BCL2L13: variants seen among roughly 807,000 people sequenced by gnomAD.
The protein encoded by BCL2L13 is BCL2 like 13.
Under a neutral mutation model 25.8 loss-of-function variants are expected in BCL2L13, and 13 were observed. The observed-to-expected ratio is 0.50, with a 90% CI of 0.33 to 0.80. The LOEUF (loss-of-function observed/expected upper bound fraction) is 0.80, where lower values mean the gene tolerates loss of function less well. Among genes scored for constraint, BCL2L13 ranks in the 30% least tolerant of loss-of-function variants. The pLI, the probability that BCL2L13 is intolerant of heterozygous loss-of-function variation, is 0.02. For synonymous variants in BCL2L13, 244 were observed against 230.3 expected (o/e 1.06, Z -0.54); for missense variants, 504 against 574.9 (o/e 0.88, Z 1.26).
At chr22:17,688,652 G>A (rs2060014506) in intron 3 of BCL2L13, among the ~76,000 whole-genome samples, 1 of 152,136 alleles carries the variant, frequency 6.6e-6, no homozygotes, top group Non-Finnish European at 1.5e-5. Flanking sequence ...TGCCAACAAA[G>A]ATTAATGTCC....
intron 6 of BCL2L13, among the ~76,000 whole-genome samples, chr22:17,721,627 C>G (rs1198471068): frequency 6.7e-6 from 1 of 149,616 alleles, no homozygotes; most frequent in East Asian, 2.0e-4. Flanking sequence ...TGGGTTCAAG[C>G]AATTCTCCTG....
chr22:17,684,892 C>G lies in BCL2L13; in HGVS notation c.229+1571C>G, dbSNP rs370782474. 2.6e-4 allele frequency among the ~76,000 whole-genome samples: 40 copies of G among 152,174 alleles called. 1 individual carries two copies. The East Asian group carries it at 4.8e-3, about 18-fold the overall frequency. ...GGACTACAGGCGCCTGCCACCACACCCGACTAATTTTTTGTATTTTTAGTA... is the reference window on the plus strand; with the variant it reads ...GGACTACAGGCGCCTGCCACCACACGCGACTAATTTTTTGTATTTTTAGTA... On this transcript the variant is annotated intron_variant, in intron 3 of 6. Coordinates refer to ENST00000317582, the MANE Select transcript of BCL2L13 (RefSeq NM_015367.4).
At chr22:17,668,035 C>T (rs2059291424) in intron 2 of BCL2L13, among the ~76,000 whole-genome samples, 1 of 122,548 alleles carries the variant, frequency 8.2e-6, no homozygotes, top group African/African-American at 3.2e-5. Context: ...TTTTTTGAGA[C>T]AGTCTCGCTC....
chr22:17,714,170 G>A lies in BCL2L13; in HGVS notation c.600+11784G>A, dbSNP rs532864397. On this transcript the variant is annotated intron_variant, in intron 6 of 6. Transcript: ENST00000317582. ...TAGCCGGGCGTGGTGGCGGGCACCTGTAGTCCCAGCTACTCGGGAGGCTGA... is the reference window on the plus strand; with the variant it reads ...TAGCCGGGCGTGGTGGCGGGCACCTATAGTCCCAGCTACTCGGGAGGCTGA... Among the ~76,000 whole-genome samples the A allele has an allele frequency of 4.9e-4, 75 of 152,188 alleles. 1 individual carries two copies. In the South Asian group the frequency reaches 9.1e-3, roughly 19 times the overall value.
chr22:17,664,324 C>T (rs751929837), intron 2 of BCL2L13, among the ~76,000 whole-genome samples: 10 of 152,220 alleles, frequency 6.6e-5, no homozygotes, highest in Non-Finnish European at 1.3e-4. Flanking sequence ...CCTTTGACTC[C>T]ATGTCTCACA....
intron 2 of BCL2L13, among the ~76,000 whole-genome samples, chr22:17,675,497 T>C (rs1281620223): frequency 6.6e-6 from 1 of 152,214 alleles, no homozygotes; most frequent in East Asian, 1.9e-4. Context: ...GGGCTAACTT[T>C]TTTCAGCCTG....
At chr22:17,675,690 C>T (rs2059556730) in intron 2 of BCL2L13, among the ~76,000 whole-genome samples, 1 of 152,134 alleles carries the variant, frequency 6.6e-6, no homozygotes, top group African/African-American at 2.4e-5. Flanking sequence ...AAGGCAAGTC[C>T]ATTAGAGGCA....
chr22:17,704,987 CA>C (rs138284178), intron 6 of BCL2L13, among the ~76,000 whole-genome samples: 21,257 of 113,876 alleles, frequency 0.19, 1,956 homozygotes, highest in African/African-American at 0.32. Context: ...GAAAGATAGG[CA>C]AAAAAAAAAA....
intron 2 of BCL2L13, among the ~76,000 whole-genome samples, chr22:17,657,982 CG>C (rs981869161): frequency 6.6e-6 from 1 of 151,228 alleles, no homozygotes; most frequent in African/African-American, 2.4e-5. Flanking sequence ...GCCACCAGCC[CG>C]GCTAATTTTT....
chr22:17,710,419 T>TA (rs934103502), intron 6 of BCL2L13, among the ~76,000 whole-genome samples: 11 of 144,316 alleles, frequency 7.6e-5, no homozygotes, highest in African/African-American at 1.3e-4. Context: ...TACTAAAAAT[T>TA]AAAAAAAAAA....
chr22:17,643,364 A>G (rs1342642118), intron 1 of BCL2L13, among the ~76,000 whole-genome samples: 1 of 152,008 alleles, frequency 6.6e-6, no homozygotes, highest in Non-Finnish European at 1.5e-5. Flanking sequence ...TTAGCCTCCC[A>G]AAGTGCTGGG....
chr22:17,635,590 A>T (rs1159399013), upstream of BCL2L13, among the ~76,000 whole-genome samples: 1 of 152,160 alleles, frequency 6.6e-6, no homozygotes, highest in Admixed American at 6.6e-5. Context: ...GTCTCAAAAT[A>T]TATATTCAAA....
At chr22:17,635,740 C>G (rs1049103547), upstream of BCL2L13, among the ~76,000 whole-genome samples, 1 of 151,566 alleles carries the variant, frequency 6.6e-6, no homozygotes, top group African/African-American at 2.4e-5. Flanking sequence ...GACAGAGTCT[C>G]ACTCTGTCGC....
intron 6 of BCL2L13, among the ~76,000 whole-genome samples, chr22:17,722,082 T>C (rs1014413905): frequency 6.6e-6 from 1 of 152,216 alleles, no homozygotes; most frequent in South Asian, 2.1e-4. Flanking sequence ...TATGTATAAA[T>C]ATATGCAAAT....
At chr22:17,671,743 C>G (rs562670107) in intron 2 of BCL2L13, among the ~76,000 whole-genome samples, 52 of 152,296 alleles carry the variant, frequency 3.4e-4, no homozygotes, top group African/African-American at 1.1e-3. Context: ...GAGTCTCACA[C>G]TCTTTCCCAG....
At chr22:17,680,247 A>G (rs2059699765) in intron 2 of BCL2L13, among the ~76,000 whole-genome samples, 2 of 139,090 alleles carry the variant, frequency 1.4e-5, no homozygotes, top group Non-Finnish European at 3.1e-5. Context: ...ACGGTGGCTC[A>G]CGCCTGTAAT....
intron 6 of BCL2L13, 67 bp downstream of exon 6, chr22:17,702,453 G>A: frequency 7.1e-7 from 1 of 1,400,368 alleles, no homozygotes; most frequent in Non-Finnish European, 9.4e-7. Flanking sequence ...TTTCTTAAGA[G>A]ATGGGTTCTT....
At chr22:17,686,824 C>A (rs543758168) in intron 3 of BCL2L13, among the ~76,000 whole-genome samples, 1 of 152,218 alleles carries the variant, frequency 6.6e-6, no homozygotes, top group African/African-American at 2.4e-5. Context: ...ATTTCTTTAT[C>A]AACATTTTGA....
At chr22:17,678,440 C>A (rs149447915) in intron 2 of BCL2L13, among the ~76,000 whole-genome samples, 6 of 152,058 alleles carry the variant, frequency 3.9e-5, no homozygotes, top group African/African-American at 1.4e-4. Flanking sequence ...TTTCTGAGAT[C>A]TTTCATTCCT....
Sources: gnomAD v4.1 joint callset for allele counts (sites outside exome capture counted in the v4.1 genomes callset) on GRCh38, gnomAD v4.1.1 for gene constraint, MANE v1.5 for transcripts, NCBI Gene and HGNC (gene_info 2026-07-23, HGNC 2026-07-21) for gene names.